Variants in SLC12A7 observed in about 807,000 individuals in gnomAD.
SLC12A7 encodes the protein K-Cl cotransporter 4.
A neutral mutation model predicts 120.6 loss-of-function variants in SLC12A7; 100 were observed. That is an observed-to-expected ratio of 0.83 (90% CI 0.71 to 0.98). SLC12A7 has a LOEUF of 0.98. Ranked by LOEUF, SLC12A7 falls within the 50% of genes least tolerant of loss-of-function variation. The pLI, the probability that SLC12A7 is intolerant of heterozygous loss-of-function variation, is 0.00. For missense variants in SLC12A7, 1,373 were observed against 1,548.1 expected (o/e 0.89, Z 1.90); for synonymous variants, 760 against 678.0 (o/e 1.12, Z -1.88).
chr5:1,054,680 C>T lies in SLC12A7; in HGVS notation c.3027-1198G>A, dbSNP rs566801959. Among the ~76,000 whole-genome samples the T allele has an allele frequency of 5.3e-5, 8 of 152,334 alleles. No homozygotes were observed. The South Asian group carries it at 6.2e-4, about 12-fold the overall frequency. ...GGGGCGGCGGCGGACAGACAGAGGC[C>T]GCCCATGCAGGGTCATGGAGAGGCC... On this transcript the variant is annotated intron_variant, in intron 22 of 23. Transcript: ENST00000264930.
chr5:1,106,335 C>T (rs1742525850), intron 1 of SLC12A7, among the ~76,000 whole-genome samples: 1 of 151,898 alleles, frequency 6.6e-6, no homozygotes, highest in Admixed American at 6.6e-5. Context: ...TGCCTGTGGT[C>T]CCCGCTACTC....
chr5:1,084,902 A>C (rs778569621), intron 7 of SLC12A7, among the ~76,000 whole-genome samples: 22 of 152,052 alleles, frequency 1.4e-4, no homozygotes, highest in Non-Finnish European at 2.8e-4. Flanking sequence ...CCCCAGCAGC[A>C]GCCAGGGCCA....
chr5:1,078,127 G>T, intron 11 of SLC12A7, 120 bp from the exon 12 acceptor site: 2 of 1,248,810 alleles, frequency 1.6e-6, no homozygotes, highest in Non-Finnish European at 1.1e-6. Context: ...TTGGAAAGCT[G>T]AGGCCCGGCC....
the SLC12A7 span, among the ~76,000 whole-genome samples, chr5:1,122,943 C>T: frequency 1.3e-5 from 2 of 152,382 alleles, no homozygotes; most frequent in African/African-American, 4.8e-5. Flanking sequence ...ACGCACAAGC[C>T]CTCTGGGAGG....
At chr5:1,091,171 TGG>T (rs1740455685) in intron 3 of SLC12A7, among the ~76,000 whole-genome samples, 2 of 152,148 alleles carry the variant, frequency 1.3e-5, no homozygotes, top group South Asian at 4.1e-4. Flanking sequence ...GCCACCAGCC[TGG>T]GGGTAGGGTT....
chr5:1,089,128 C>A lies in SLC12A7; in HGVS notation c.343G>T (p.Ala115Ser), dbSNP rs1219452170. Reference sequence around the variant, plus strand: ...CCGATGAAGGTGCCCATGCGCGGAGCCTGCGACAGAGCATAGCGTGTCCCA... The same window carrying A: ...CCGATGAAGGTGCCCATGCGCGGAGACTGCGACAGAGCATAGCGTGTCCCA... ...DEESRRREAK[A>S]PRMGTFIGVY... The change falls in exon 4 of 24, where the codon GCT becomes TCT. Residue 115 changes from alanine to serine, a missense_variant and splice_region_variant. Transcript: ENST00000264930. The A allele has an allele frequency of 6.2e-7, 1 of 1,612,410 alleles. No individual in the cohort carries two copies.
At chr5:1,109,359 C>T (rs768829088) in intron 1 of SLC12A7, among the ~76,000 whole-genome samples, 11 of 152,148 alleles carry the variant, frequency 7.2e-5, no homozygotes, top group Non-Finnish European at 1.3e-4. Context: ...GAGACGCAGC[C>T]GGCCCCCAGC....
At chr5:1,101,183 T>C (rs1741978658) in intron 1 of SLC12A7, among the ~76,000 whole-genome samples, 1 of 152,196 alleles carries the variant, frequency 6.6e-6, no homozygotes, top group Non-Finnish European at 1.5e-5. Flanking sequence ...CAGCTGGCAC[T>C]GGGTGGACTG....
chr5:1,142,329 T>TCCTCTCCCCTCTCC, the SLC12A7 span, among the ~76,000 whole-genome samples: 3 of 49,070 alleles, frequency 6.1e-5, no homozygotes, highest in Non-Finnish European at 9.8e-5. Context: ...CTCCCCTCTC[T>TCCTCTCCCCTCTCC]CCTCTCCCCT....
At chr5:1,085,653 C>T (rs113293235) in intron 6 of SLC12A7, among the ~76,000 whole-genome samples, 180 bp from the exon 7 acceptor site, 2 of 135,066 alleles carry the variant, frequency 1.5e-5, no homozygotes, top group African/African-American at 2.5e-5. Flanking sequence ...ACGGAGCCCG[C>T]GGGGGTCAGC....
At chr5:1,059,311 G>A (rs1439188212) in intron 21 of SLC12A7, among the ~76,000 whole-genome samples, 6 of 152,222 alleles carry the variant, frequency 3.9e-5, no homozygotes, top group South Asian at 4.1e-4. Flanking sequence ...AGCAGCAGTC[G>A]CTGCTTAGTG....
At position 1,064,233 on chromosome 5, in the gene SLC12A7, G is replaced by A. The variant is rs749017763; in HGVS notation, c.2457C>T (p.Thr819=). Residue 819 remains threonine, a synonymous_variant, in exon 19 of 24, where the codon ACC becomes ACT. Coordinates refer to ENST00000264930, the MANE Select transcript of SLC12A7 (RefSeq NM_006598.3). ...KNFVDTVRDT[T]AAHQALLVAK... is the part of the protein sequence containing the mutation. ...CCACCAGCAGAGCCTGGTGCGCGGC[G>A]GTGGTGTCGCGGACGGTGTCTGCGG... 5.4e-5 allele frequency: 87 copies of A among 1,611,366 alleles called. No homozygotes were observed. Among genetic ancestry groups the A allele is most frequent in the Admixed American group, 8.4e-5 (5 of 59,862 alleles).
chr5:1,126,825 T>C, the SLC12A7 span, among the ~76,000 whole-genome samples: 1 of 152,206 alleles, frequency 6.6e-6, no homozygotes, highest in Middle Eastern at 3.4e-3. Flanking sequence ...AAGGGACGAG[T>C]CACCACTGTA....
rs746796788 is a variant in SLC12A7 at position 1,089,098 on chromosome 5, A to G, written c.373T>C (p.Tyr125His). ...AGGATGTTCTGCAGGCACGGCAGGT[A>G]GACGCCGATGAAGGTGCCCATGCGC... ...APRMGTFIGV[Y>H]LPCLQNILGV... Residue 125 changes from tyrosine to histidine, a missense_variant, in exon 4 of 24, where the codon TAC becomes CAC. Coordinates refer to ENST00000264930, the MANE Select transcript of SLC12A7 (RefSeq NM_006598.3). 2 of 1,612,894 alleles carry G rather than the reference A, an allele frequency of 1.2e-6. No individual in the cohort carries two copies. Among genetic ancestry groups the G allele is most frequent in the Admixed American group, 1.7e-5 (1 of 60,028 alleles).
chr5:1,076,669 A>T, intron 13 of SLC12A7, 25 bp downstream of exon 13: 1 of 1,569,702 alleles, frequency 6.4e-7, no homozygotes, highest in Non-Finnish European at 8.7e-7. Context: ...ACCCATCCCC[A>T]GGTCCCCGTC....
chr5:1,074,897 G>A (rs776648251), intron 15 of SLC12A7, among the ~76,000 whole-genome samples: 5 of 152,130 alleles, frequency 3.3e-5, no homozygotes, highest in Non-Finnish European at 7.4e-5. Context: ...CGAGGTCTAC[G>A]TCCAGCATGC....
rs549456138 is a variant in SLC12A7 at position 1,081,694 on chromosome 5, C to G, written c.1180G>C (p.Gly394Arg). 9 of 1,613,116 alleles carry G rather than the reference C, an allele frequency of 5.6e-6. No individual in the cohort carries two copies. Among genetic ancestry groups the G allele is most frequent in the South Asian group, 1.1e-5 (1 of 91,084 alleles). The change falls in exon 9 of 24, where the codon GGT becomes CGT. Residue 394 changes from glycine to arginine, a missense_variant. Coordinates refer to ENST00000264930, the MANE Select transcript of SLC12A7 (RefSeq NM_006598.3). ...TCTGCCACGGGCACCGAGGGCACAC[C>G]TTTCTTCTCCACAAACGCCCCCGCG... ...AHAGAFVEKK[G>R]VPSVPVAEES... is the part of the protein sequence containing the mutation.
the SLC12A7 span, among the ~76,000 whole-genome samples, chr5:1,136,039 C>T: frequency 6.6e-6 from 1 of 152,158 alleles, no homozygotes; most frequent in Non-Finnish European, 1.5e-5. Context: ...ATGCACATTG[C>T]CCCTTGATTC....
chr5:1,056,280 C>T (rs1183213098), intron 22 of SLC12A7, among the ~76,000 whole-genome samples: 2 of 152,196 alleles, frequency 1.3e-5, no homozygotes, highest in African/African-American at 4.8e-5. Flanking sequence ...CGCACGCCTC[C>T]CCTCCACTCC....
Sources: gnomAD v4.1 joint callset for allele counts (sites outside exome capture counted in the v4.1 genomes callset) on GRCh38, gnomAD v4.1.1 for gene constraint, MANE v1.5 for transcripts, NCBI Gene and HGNC (gene_info 2026-07-23, HGNC 2026-07-21) for gene names.